MAN2A1: variants seen among roughly 807,000 people sequenced by gnomAD.
MAN2A1 encodes the protein mannosidase alpha class 2A member 1.
Under a neutral mutation model 142.6 loss-of-function variants are expected in MAN2A1, and 76 were observed. That is an observed-to-expected ratio of 0.53 (90% CI 0.44 to 0.65). MAN2A1 has a LOEUF of 0.65. MAN2A1 is among the 30% of genes least tolerant of loss of function. The pLI is 0.00. For synonymous variants in MAN2A1, 559 were observed against 473.2 expected (o/e 1.18, Z -2.35); for missense variants, 1,311 against 1,365.1 (o/e 0.96, Z 0.62).
Position 109,732,539 on chromosome 5 carries a change from A to G in MAN2A1, c.707+3026A>G, listed in dbSNP as rs191156169. Among the ~76,000 whole-genome samples, 170 of 152,144 alleles carry G rather than the reference A, an allele frequency of 1.1e-3. 1 individual carries two copies. The highest frequency in any genetic ancestry group is 7.4e-3 in the Admixed American group (113 of 15,296). ...TAATCCATCTTGAATTAATTTTTGT[A>G]TAAGGTTTAAGGAAGGGATCCAGTT... On this transcript the variant is annotated intron_variant, in intron 4 of 21. Transcript: ENST00000261483.
Position 109,704,443 on chromosome 5 carries a change from T to C in MAN2A1, c.136-9077T>C, listed in dbSNP as rs1007414609. Among the ~76,000 whole-genome samples the C allele has an allele frequency of 3.9e-5, 6 of 152,204 alleles. 1 individual carries two copies. Among genetic ancestry groups the C allele is most frequent in the African/African-American group, 1.4e-4 (6 of 41,446 alleles). ...CAATTTGGAAGAAATTCAGGCATGT[T>C]AGGCTCTGAGTCTGGAAAATACCAT... On this transcript the variant is annotated intron_variant, in intron 1 of 21. Transcript: ENST00000261483.
At chr5:109,766,579 AC>A (rs751533727) in intron 5 of MAN2A1, among the ~76,000 whole-genome samples, 14 of 152,194 alleles carry the variant, frequency 9.2e-5, no homozygotes, top group Non-Finnish European at 1.9e-4. Flanking sequence ...ACTTTGTGTT[AC>A]ACTTATTTGA....
intron 1 of MAN2A1, among the ~76,000 whole-genome samples, chr5:109,702,086 A>G (rs1195468503): frequency 6.6e-6 from 1 of 152,190 alleles, no homozygotes; most frequent in Non-Finnish European, 1.5e-5. Flanking sequence ...AAAGCTGCAC[A>G]TCTTACATTA....
chr5:109,743,461 G>A lies in MAN2A1; in HGVS notation c.708-11868G>A, dbSNP rs573358804. On this transcript the variant is annotated intron_variant, in intron 4 of 21. Coordinates refer to ENST00000261483, the MANE Select transcript of MAN2A1 (RefSeq NM_002372.4). ...TCATTCTCCTGTTGAGGAATCTGAA[G>A]CAGAGGTGTTAAGGAAAGTGCCTAA... Among the ~76,000 whole-genome samples, 6 of 152,284 alleles carry A rather than the reference G, an allele frequency of 3.9e-5. No homozygotes were observed. The South Asian group carries it at 6.2e-4, about 16-fold the overall frequency.
At chr5:109,749,349 A>C (rs1360300143) in intron 4 of MAN2A1, among the ~76,000 whole-genome samples, 1 of 152,156 alleles carries the variant, frequency 6.6e-6, no homozygotes, top group Non-Finnish European at 1.5e-5. Flanking sequence ...TTTTAGGTAA[A>C]ATGCGGAATG....
intron 3 of MAN2A1, among the ~76,000 whole-genome samples, chr5:109,724,755 CG>C (rs779306899): frequency 5.9e-5 from 9 of 152,068 alleles, no homozygotes; most frequent in Non-Finnish European, 1.0e-4. Context: ...CTTTGTGGAG[CG>C]GGGTGCCTTC....
chr5:109,800,352 A>C (rs955701095), intron 12 of MAN2A1, among the ~76,000 whole-genome samples: 9 of 152,156 alleles, frequency 5.9e-5, no homozygotes, highest in African/African-American at 2.2e-4. Context: ...GACTTGCTAT[A>C]AACCTCTTGC....
chr5:109,788,192 A>T (rs1398242576), intron 10 of MAN2A1, among the ~76,000 whole-genome samples: 1 of 148,398 alleles, frequency 6.7e-6, no homozygotes, highest in African/African-American at 2.5e-5. Context: ...TGGTCTGTAG[A>T]GCCTTCAAGA....
At chr5:109,743,748 C>T (rs1752331258) in intron 4 of MAN2A1, among the ~76,000 whole-genome samples, 1 of 152,208 alleles carries the variant, frequency 6.6e-6, no homozygotes, top group African/African-American at 2.4e-5. Context: ...TGTGCCACTT[C>T]TAAGTGTCTG....
Position 109,796,759 on chromosome 5 carries a change from A to G in MAN2A1, c.1943+7232A>G, listed in dbSNP as rs185872031. On this transcript the variant is annotated intron_variant, in intron 12 of 21. Transcript: ENST00000261483. ...TACCAATCAGGCACAGCCACCTTGG[A>G]TATTAAACCTTTTGGAAACTTGCGA... Among the ~76,000 whole-genome samples, 977 of 152,300 alleles carry G rather than the reference A, an allele frequency of 6.4e-3. 6 individuals are homozygous for G. The highest frequency in any genetic ancestry group is 0.01 in the Non-Finnish European group (692 of 68,024).
intron 3 of MAN2A1, among the ~76,000 whole-genome samples, chr5:109,723,168 G>A (rs1483862937): frequency 2.6e-5 from 4 of 152,156 alleles, no homozygotes; most frequent in Non-Finnish European, 2.9e-5. Flanking sequence ...AATGCAAATA[G>A]GTTCCTCTGG....
At chr5:109,819,461 T>C (rs1423277773) in intron 13 of MAN2A1, among the ~76,000 whole-genome samples, 1 of 152,220 alleles carries the variant, frequency 6.6e-6, no homozygotes, top group Non-Finnish European at 1.5e-5. Flanking sequence ...AGTTTTTATT[T>C]GTATTTTTTG....
At chr5:109,695,179 T>C (rs1242314591) in intron 1 of MAN2A1, among the ~76,000 whole-genome samples, 1 of 152,240 alleles carries the variant, frequency 6.6e-6, no homozygotes, top group East Asian at 1.9e-4. Flanking sequence ...CAGATACTCA[T>C]GACTGTCTGT....
At chr5:109,770,595 C>A in intron 7 of MAN2A1, 54 bp downstream of exon 7, 1 of 1,494,236 alleles carries the variant, frequency 6.7e-7, no homozygotes. Context: ...AGCCACTTAG[C>A]TGCTAGTTGC....
At chr5:109,828,048 T>C (rs1249930718) in intron 16 of MAN2A1, among the ~76,000 whole-genome samples, 1 of 149,116 alleles carries the variant, frequency 6.7e-6, no homozygotes, top group Non-Finnish European at 1.5e-5. Context: ...GAGGTTGCAA[T>C]GAGCCGAAAT....
chr5:109,690,100 C>T lies in MAN2A1; in HGVS notation c.-318C>T, dbSNP rs1026048542. 3 of 295,440 alleles carry T rather than the reference C, an allele frequency of 1.0e-5. No homozygotes were observed. The highest frequency in any genetic ancestry group is 6.8e-5 in the African/African-American group (3 of 44,192). The allele number at this position is 295,440 out of a possible 1,614,324, so 18.3% of individuals were successfully genotyped here. On this transcript the variant is annotated 5_prime_UTR_variant, in exon 1 of 22. Transcript: ENST00000261483. ...CGGGCAGCGACCTCTCCTCCGCCTG[C>T]CCCGCGCGCCCTGCCGGAGGTCGGC...
In MAN2A1 at chr5:109,820,280, G is replaced by A; in HGVS notation, c.2389G>A (p.Gly797Arg). 1.2e-6 allele frequency: 2 copies of A among 1,612,024 alleles called. No homozygotes were observed. Among genetic ancestry groups the A allele is most frequent in the Non-Finnish European group, 1.7e-6 (2 of 1,178,342 alleles). ...AGTAAATGTGCAATTTTCATGGTAT[G>A]GAACCACAATTAAAAGAGACAAAAG... ...HEVNVQFSWY[G>R]TTIKRDKSGA... Residue 797 changes from glycine to arginine, a missense_variant, in exon 15 of 22, where the codon GGA (glycine) becomes AGA (arginine). Around this residue, in one of 3 missense-constraint regions of MAN2A1, gnomAD observed 890 missense variants for 920.5 expected, o/e 0.97. Transcript: ENST00000261483.
intron 9 of MAN2A1, among the ~76,000 whole-genome samples, chr5:109,783,275 A>G (rs1753509037): frequency 6.6e-6 from 1 of 152,188 alleles, no homozygotes; most frequent in Non-Finnish European, 1.5e-5. Flanking sequence ...AAATGTATTT[A>G]TTTATACATA....
At position 109,690,009 on chromosome 5, in the gene MAN2A1, A is replaced by C; in HGVS notation, c.-409A>C. 1 of 191,458 alleles carries C rather than the reference A, an allele frequency of 5.2e-6. No individual in the cohort carries two copies. Among genetic ancestry groups the C allele is most frequent in the East Asian group, 1.5e-4 (1 of 6,856 alleles). 11.9% of individuals were successfully genotyped at this position (191,458 alleles called of 1,614,324 possible). On this transcript the variant is annotated 5_prime_UTR_variant, in exon 1 of 22. Coordinates refer to ENST00000261483, the MANE Select transcript of MAN2A1 (RefSeq NM_002372.4). The stretch of plus-strand genomic sequence containing the variant: ...CCCGCGCCTCCCCTGGGTGAGGAGG[A>C]CACGCCTGCCCTCGTCGAGAAAACT...
Sources: allele counts gnomAD v4.1 joint callset (sites outside exome capture counted in the v4.1 genomes callset), GRCh38; gene constraint gnomAD v4.1.1; regional missense constraint gnomAD v4.1.1; transcripts MANE v1.5; gene names NCBI Gene and HGNC (gene_info 2026-07-23, HGNC 2026-07-21).